The following PTPRN2 variants were observed in gnomAD, a reference collection of about 807,000 sequenced individuals.
PTPRN2 encodes receptor-type tyrosine-protein phosphatase N2.
A neutral mutation model predicts 118.8 loss-of-function variants in PTPRN2; 74 were observed. That is an observed-to-expected ratio of 0.62 (90% confidence interval 0.52 to 0.76). The LOEUF (loss-of-function observed/expected upper bound fraction) is 0.76. Among genes scored for constraint, PTPRN2 ranks in the 30% least tolerant of loss-of-function variants. The pLI, the probability that PTPRN2 is intolerant of heterozygous loss-of-function variation, is 0.00. For missense variants in PTPRN2, 1,481 were observed against 1,394.4 expected, an observed-to-expected ratio of 1.06 and a Z score of -0.99; for synonymous variants, 641 against 608.0, an observed-to-expected ratio of 1.05 and a Z score of -0.80.
chr7:158,087,413 T>C (rs7784655), intron 10 of PTPRN2, among the ~76,000 whole-genome samples: 120,018 of 152,134 alleles, frequency 0.79, 49,127 homozygotes, highest in East Asian at 0.93. Flanking sequence ...GGCACATCTA[T>C]GGTAAGAAGC....
intron 12 of PTPRN2, among the ~76,000 whole-genome samples, chr7:157,709,096 G>T (rs1279985913): frequency 6.6e-6 from 1 of 152,212 alleles, no homozygotes; most frequent in African/African-American, 2.4e-5. Context: ...GCCTCTCCCA[G>T]TGGGAGTGAG....
At chr7:157,913,286 T>C (rs1372799106) in intron 11 of PTPRN2, among the ~76,000 whole-genome samples, 1 of 152,240 alleles carries the variant, frequency 6.6e-6, no homozygotes, top group Non-Finnish European at 1.5e-5. Context: ...TCCTAAACTA[T>C]CTAATTCCAT....
intron 3 of PTPRN2, among the ~76,000 whole-genome samples, chr7:158,259,813 CCT>C (rs1797271879): frequency 7.0e-6 from 1 of 142,504 alleles, no homozygotes; most frequent in African/African-American, 2.5e-5. Context: ...TCCACGTGTC[CCT>C]TTGTGTACAC....
At chr7:157,988,830 C>T (rs925567329) in intron 11 of PTPRN2, among the ~76,000 whole-genome samples, 56 of 152,204 alleles carry the variant, frequency 3.7e-4, no homozygotes, top group African/African-American at 1.3e-3. Context: ...TGGGCAGCAT[C>T]GCCACACCCG....
intron 11 of PTPRN2, among the ~76,000 whole-genome samples, chr7:157,923,050 T>C (rs1277221116): frequency 2.0e-5 from 3 of 152,206 alleles, no homozygotes; most frequent in East Asian, 3.9e-4. Flanking sequence ...AACACATTTA[T>C]TTGTAACCAG....
chr7:157,983,850 T>C (rs1477074093), intron 11 of PTPRN2, among the ~76,000 whole-genome samples: 1 of 152,220 alleles, frequency 6.6e-6, no homozygotes, highest in Non-Finnish European at 1.5e-5. Context: ...GCTGTGGGTC[T>C]GGCTGTGTGA....
At position 158,111,014 on chromosome 7, in the gene PTPRN2, C is replaced by T. The variant is rs1383146646; in HGVS notation, c.1557-99G>A. 1.3e-5 allele frequency: 13 copies of T among 1,018,922 alleles called. No individual in the cohort carries two copies. The East Asian group carries it at 3.4e-4, about 27-fold the overall frequency. 63.1% of individuals were successfully genotyped at this position (1,018,922 alleles called of 1,614,324 possible). A position where few individuals can be genotyped will look rare whatever the true frequency, so the allele number is the denominator to read the frequency against. Reference sequence around the variant, plus strand: ...CCACAGCCCCGCTCCCTGGTCCCCACACACACCCTGCTCTCCTGGCCTGGG... The same window carrying T: ...CCACAGCCCCGCTCCCTGGTCCCCATACACACCCTGCTCTCCTGGCCTGGG... On this transcript the variant is annotated intron_variant, in intron 9 of 22. Transcript: ENST00000389418.
intron 12 of PTPRN2, among the ~76,000 whole-genome samples, chr7:157,826,216 G>A (rs1338355206): frequency 1.4e-5 from 2 of 146,028 alleles, no homozygotes; most frequent in South Asian, 2.2e-4. Flanking sequence ...GAACACGATC[G>A]TCACAATCGC....
At chr7:158,065,040 C>T (rs1810650193) in intron 11 of PTPRN2, among the ~76,000 whole-genome samples, 1 of 152,236 alleles carries the variant, frequency 6.6e-6, no homozygotes, top group African/African-American at 2.4e-5. Flanking sequence ...TGCTGCGCAT[C>T]TGGTAATTGA....
chr7:158,146,704 G>T (rs767879683), intron 6 of PTPRN2, among the ~76,000 whole-genome samples: 3 of 142,882 alleles, frequency 2.1e-5, no homozygotes, highest in Admixed American at 7.1e-5. Flanking sequence ...CTGGGCGACA[G>T]AGCGAGACTC....
intron 2 of PTPRN2, among the ~76,000 whole-genome samples, chr7:158,416,698 G>A (rs527306596): frequency 3.9e-5 from 6 of 152,234 alleles, no homozygotes; most frequent in Non-Finnish European, 8.8e-5. Context: ...GAAACAGACA[G>A]CCTGCTGGGA....
chr7:158,048,114 C>T (rs1381570715), intron 11 of PTPRN2, among the ~76,000 whole-genome samples: 1 of 147,108 alleles, frequency 6.8e-6, no homozygotes, highest in Admixed American at 6.7e-5. Flanking sequence ...GAAACTCATA[C>T]ATGAATACAC....
In PTPRN2 at chr7:157,974,344, C is replaced by A. The variant is rs118184964; in HGVS notation, c.1724-75607G>T. ...TTCCACGGGGCTCCTCCCCAGCTCA[C>A]GGGGAAATCCCCTTTAATTTCAAAC... is the stretch of plus-strand genomic sequence containing the variant. On this transcript the variant is annotated intron_variant, in intron 11 of 22. Coordinates refer to ENST00000389418, the MANE Select transcript of PTPRN2 (RefSeq NM_002847.5). This position sits in a 1 kb window ranked among gnomAD's most constrained non-coding sequence, Gnocchi z 4.0. Among the ~76,000 whole-genome samples, 1 of 152,198 alleles carries A rather than the reference C, an allele frequency of 6.6e-6. No homozygotes were observed. Among genetic ancestry groups the A allele is most frequent in the Non-Finnish European group, 1.5e-5 (1 of 68,040 alleles).
chr7:158,149,343 T>G (rs1282104455), intron 6 of PTPRN2, among the ~76,000 whole-genome samples: 1 of 152,042 alleles, frequency 6.6e-6, no homozygotes, highest in Admixed American at 6.6e-5. Context: ...CCCTGGAAAT[T>G]AACAACTACA....
At chr7:157,879,950 T>C (rs944276685) in intron 12 of PTPRN2, among the ~76,000 whole-genome samples, 1 of 152,182 alleles carries the variant, frequency 6.6e-6, no homozygotes, top group African/African-American at 2.4e-5. Flanking sequence ...TCTCTTTCCA[T>C]TGCTCTGATC....
chr7:158,203,685 C>T (rs1826858202), intron 4 of PTPRN2, among the ~76,000 whole-genome samples: 1 of 152,162 alleles, frequency 6.6e-6, no homozygotes, highest in Admixed American at 6.5e-5. Flanking sequence ...CCGTCCAACC[C>T]ATCCCTATAC....
intron 11 of PTPRN2, among the ~76,000 whole-genome samples, chr7:157,919,638 A>C (rs1336692229): frequency 6.6e-6 from 1 of 152,240 alleles, no homozygotes; most frequent in Admixed American, 6.5e-5. Flanking sequence ...TCTTAGAGGT[A>C]ATCAAGAAAA....
chr7:157,765,331 A>T (rs1234185781), intron 12 of PTPRN2, among the ~76,000 whole-genome samples: 4 of 146,250 alleles, frequency 2.7e-5, no homozygotes, highest in South Asian at 4.4e-4. Flanking sequence ...TCCCTCCATC[A>T]TCCATCCACC....
chr7:158,583,327 G>T (rs1401828702), intron 1 of PTPRN2, among the ~76,000 whole-genome samples: 1 of 152,160 alleles, frequency 6.6e-6, no homozygotes, highest in Non-Finnish European at 1.5e-5. Flanking sequence ...TGTGTCGATA[G>T]CCCTATTCTT....
Sources: gnomAD v4.1 joint callset for allele counts (sites outside exome capture counted in the v4.1 genomes callset) on GRCh38, gnomAD v4.1.1 for gene constraint, Gnocchi (gnomAD v3.1) non-coding constraint, MANE v1.5 for transcripts, NCBI Gene and HGNC (gene_info 2026-07-23, HGNC 2026-07-21) for gene names.